The following MCF2L variants were observed in gnomAD, a reference collection of about 807,000 sequenced individuals.
MCF2L encodes the protein guanine nucleotide exchange factor DBS.
Under a neutral mutation model 153.4 loss-of-function variants are expected in MCF2L, and 97 were observed. That is an observed-to-expected ratio of 0.63 (90% CI 0.54 to 0.75). MCF2L has a LOEUF of 0.75. Ranked by LOEUF, MCF2L falls within the 30% of genes least tolerant of loss-of-function variation. MCF2L has a pLI of 0.00. For missense variants in MCF2L, 1,347 were observed against 1,495.2 expected (o/e 0.90, Z 1.64); for synonymous variants, 659 against 632.2 (o/e 1.04, Z -0.64).
intron 1 of MCF2L, among the ~76,000 whole-genome samples, chr13:113,000,365 G>A (rs1042671619): frequency 6.6e-6 from 1 of 151,728 alleles, no homozygotes; most frequent in Non-Finnish European, 1.5e-5. Flanking sequence ...GGGTGCAGAG[G>A]GGCTTGCAGA....
chr13:113,073,277 A>AT (rs1489261933), intron 9 of MCF2L, among the ~76,000 whole-genome samples: 3 of 152,240 alleles, frequency 2.0e-5, no homozygotes, highest in Admixed American at 6.5e-5. Context: ...CTTGAAAAGA[A>AT]TGTGTATTCT....
rs773654687 is a variant in MCF2L, at chr13:112,979,760, T to C, written c.79+10302T>C. ...GAACTGCAGGGCGCTCGAGGCCAGG[T>C]GAGATACAATGGGGTCGCAGGGCAT... On this transcript the variant is annotated intron_variant, in intron 1 of 29. Coordinates refer to ENST00000535094, the MANE Select transcript of MCF2L (RefSeq NM_001112732.3). 1.9e-6 allele frequency: 3 copies of C among 1,610,228 alleles called. No individual in the cohort carries two copies. In the South Asian group the frequency reaches 3.3e-5, roughly 18 times the overall value.
intron 2 of MCF2L, among the ~76,000 whole-genome samples, chr13:112,929,313 C>G (rs1566644430): frequency 6.6e-6 from 1 of 152,204 alleles, no homozygotes; most frequent in Non-Finnish European, 1.5e-5. Flanking sequence ...GAATCTCTTT[C>G]CCCGATTCCT....
chr13:112,940,434 G>A (rs1594358675), intron 2 of MCF2L, among the ~76,000 whole-genome samples: 1 of 152,240 alleles, frequency 6.6e-6, no homozygotes, highest in East Asian at 1.9e-4. Context: ...TGGCCTTGTG[G>A]GCAGTCACTT....
intron 21 of MCF2L, among the ~76,000 whole-genome samples, chr13:113,086,985 C>T (rs368812219): frequency 7.9e-5 from 12 of 152,282 alleles, no homozygotes; most frequent in Admixed American, 3.9e-4. Flanking sequence ...CTACACCCAG[C>T]GCTAGAGCAT....
At chr13:113,014,519 C>A (rs937838173) in intron 1 of MCF2L, among the ~76,000 whole-genome samples, 1 of 152,232 alleles carries the variant, frequency 6.6e-6, no homozygotes, top group East Asian at 1.9e-4. Context: ...GTCTCTCAGT[C>A]CCTCTCTCTG....
chr13:113,014,828 C>A lies in MCF2L; in HGVS notation c.145C>A (p.Arg49Ser). The A allele has an allele frequency of 6.2e-7, 1 of 1,613,994 alleles. No individual in the cohort carries two copies. The highest frequency in any genetic ancestry group is 8.5e-7 in the Non-Finnish European group (1 of 1,180,004). Reference sequence around the variant, plus strand: ...CGACATCCAGGACCAGCTAAAGAAGCGCTTTGCTTACCTGTCCGGTGAGTT... The same window carrying A: ...CGACATCCAGGACCAGCTAAAGAAGAGCTTTGCTTACCTGTCCGGTGAGTT... The part of the protein sequence containing the change: ...AADIQDQLKK[R>S]FAYLSGGRGQ... Residue 49 changes from arginine (R) to serine (S), a missense_variant, in exon 2 of 30, where the codon CGC becomes AGC. Transcript: ENST00000535094.
chr13:113,076,926 C>A, intron 12 of MCF2L, 126 bp from the exon 13 acceptor site: 1 of 1,038,368 alleles, frequency 9.6e-7, no homozygotes, highest in Non-Finnish European at 1.4e-6. Context: ...GCTGCGCTGA[C>A]AGACCCCGCA....
intron 17 of MCF2L, among the ~76,000 whole-genome samples, chr13:113,083,205 C>A (rs538410640): frequency 6.6e-6 from 1 of 152,166 alleles, no homozygotes; most frequent in Non-Finnish European, 1.5e-5. Context: ...CGCTGCGTGT[C>A]CTGGAAGGAA....
At chr13:112,971,632 T>G (rs2082041566) in intron 1 of MCF2L, among the ~76,000 whole-genome samples, 1 of 152,228 alleles carries the variant, frequency 6.6e-6, no homozygotes, top group African/African-American at 2.4e-5. Flanking sequence ...CCTAGAACCT[T>G]CATTAGCTAG....
At chr13:113,063,641 C>T (rs542544849) in intron 5 of MCF2L, among the ~76,000 whole-genome samples, 1 of 152,180 alleles carries the variant, frequency 6.6e-6, no homozygotes, top group African/African-American at 2.4e-5. Context: ...TTATTTGACA[C>T]CACATCATGT....
chr13:112,985,878 C>T (rs891191444), intron 1 of MCF2L, among the ~76,000 whole-genome samples: 1 of 152,146 alleles, frequency 6.6e-6, no homozygotes, highest in African/African-American at 2.4e-5. Flanking sequence ...TTTGCTGGTC[C>T]CCTTGACCAT....
At chr13:112,911,271 A>T (rs1268556495) in intron 2 of MCF2L, among the ~76,000 whole-genome samples, 1 of 152,140 alleles carries the variant, frequency 6.6e-6, no homozygotes, top group Non-Finnish European at 1.5e-5. Flanking sequence ...GCCCGTTTGC[A>T]ATGTCCCACG....
At chr13:113,095,939 G>A (rs955826939) in intron 27 of MCF2L, 15 of 517,622 alleles carry the variant, frequency 2.9e-5, no homozygotes, top group Non-Finnish European at 4.1e-5. Flanking sequence ...AGAAAGAGGA[G>A]TGAGGCTTGG....
chr13:112,981,393 C>T (rs2082419767), intron 1 of MCF2L, among the ~76,000 whole-genome samples: 1 of 152,234 alleles, frequency 6.6e-6, no homozygotes, highest in African/African-American at 2.4e-5. Context: ...AGAGTGTCAT[C>T]CGCTGTGAGT....
chr13:112,898,310 G>A (rs978181084), intron 1 of MCF2L, among the ~76,000 whole-genome samples: 1 of 152,208 alleles, frequency 6.6e-6, no homozygotes, highest in Non-Finnish European at 1.5e-5. Context: ...CACGGCCTCT[G>A]GGCCTCTCCG....
chr13:113,087,225 G>A lies in MCF2L; in HGVS notation c.2374-10G>A, dbSNP rs371924147. On this transcript the variant is annotated splice_polypyrimidine_tract_variant and intron_variant, in intron 21 of 29. Transcript: ENST00000535094. ...CCGTCCTGAACACAGCCCTGCTGTCGCACATTTAGGGGAATCTCGGCGACC... is the reference window on the plus strand; with the variant it reads ...CCGTCCTGAACACAGCCCTGCTGTCACACATTTAGGGGAATCTCGGCGACC... 208 of 1,608,286 alleles carry A rather than the reference G, an allele frequency of 1.3e-4. No individual in the cohort carries two copies. Among genetic ancestry groups the A allele is most frequent in the Admixed American group, 4.0e-4 (24 of 59,946 alleles).
At chr13:113,024,612 CGG>C in intron 2 of MCF2L, 30 bp from the exon 3 acceptor site, 1 of 1,500,538 alleles carries the variant, frequency 6.7e-7, no homozygotes, top group Non-Finnish European at 9.3e-7. Flanking sequence ...ATGGAGCCCT[CGG>C]CTAAGGGTCT....
chr13:113,090,849 G>A (rs1409213468), intron 26 of MCF2L: 19 of 1,143,574 alleles, frequency 1.7e-5, no homozygotes, highest in South Asian at 3.7e-5. Flanking sequence ...CTCTGCTAGC[G>A]CAGAACTAAG....
Sources: allele counts gnomAD v4.1 joint callset (sites outside exome capture counted in the v4.1 genomes callset), GRCh38; gene constraint gnomAD v4.1.1; transcripts MANE v1.5; gene names NCBI Gene and HGNC (gene_info 2026-07-23, HGNC 2026-07-21).